The following ANO6 variants were observed in gnomAD, a reference collection of about 807,000 sequenced individuals.
The protein encoded by ANO6 is anoctamin 6, also known as anoctamin-6.
ANO6 carries 106 observed loss-of-function variants against 117.5 expected under a neutral mutation model. The ratio of observed to expected loss-of-function variants is 0.90; its 90% confidence interval spans 0.77 to 1.06. The LOEUF is 1.06. Ranked by LOEUF, ANO6 falls within the 50% of genes least tolerant of loss-of-function variation. The pLI is 0.00. For synonymous variants in ANO6, 367 were observed against 385.1 expected (o/e 0.95, Z 0.55); for missense variants, 955 against 1,121.1 (o/e 0.85, Z 2.12).
At chr12:45,432,420 C>T (rs1943655893), downstream of ANO6, 1 of 526,610 alleles carries the variant, frequency 1.9e-6, no homozygotes, top group South Asian at 8.8e-5. Flanking sequence ...TTACTAGTGG[C>T]CAGTTGTGTA....
intron 12 of ANO6, among the ~76,000 whole-genome samples, chr12:45,398,076 C>T (rs143423979): frequency 0.02 from 3,039 of 151,934 alleles, 41 homozygotes; most frequent in East Asian, 0.038. Flanking sequence ...CAGAGGAAAA[C>T]ATTTAAATAT....
intron 1 of ANO6, among the ~76,000 whole-genome samples, chr12:45,235,359 T>A (rs1415693531): frequency 6.6e-6 from 1 of 152,234 alleles, no homozygotes; most frequent in Non-Finnish European, 1.5e-5. Context: ...CTGTCTGTTC[T>A]AAGTAGGGCT....
chr12:45,437,941 A>G (rs982374130), intron 19 of ANO6, among the ~76,000 whole-genome samples: 2 of 152,210 alleles, frequency 1.3e-5, no homozygotes, highest in Non-Finnish European at 2.9e-5. Flanking sequence ...AGCTAATCAT[A>G]GCATTTACAT....
intron 1 of ANO6, among the ~76,000 whole-genome samples, chr12:45,216,815 G>C (rs1456843468): frequency 6.6e-6 from 1 of 152,236 alleles, no homozygotes; most frequent in Non-Finnish European, 1.5e-5. Flanking sequence ...TGGAGGACAG[G>C]GTGTGACCCA....
intron 1 of ANO6, among the ~76,000 whole-genome samples, chr12:45,241,920 G>T (rs1947750475): frequency 6.6e-6 from 1 of 152,212 alleles, no homozygotes; most frequent in South Asian, 2.1e-4. Flanking sequence ...AAATGTTGCT[G>T]CCTGATCCTT....
intron 1 of ANO6, among the ~76,000 whole-genome samples, chr12:45,295,697 G>A (rs748185330): frequency 6.6e-6 from 1 of 151,716 alleles, no homozygotes; most frequent in African/African-American, 2.4e-5. Context: ...AGTAGCTAGC[G>A]TTACAGGCAT....
intron 2 of ANO6, among the ~76,000 whole-genome samples, chr12:45,322,758 A>G (rs1203746758): frequency 6.6e-6 from 1 of 152,140 alleles, no homozygotes; most frequent in African/African-American, 2.4e-5. Flanking sequence ...TAAAGATGAA[A>G]AAGTCAAAGG....
intron 2 of ANO6, among the ~76,000 whole-genome samples, chr12:45,312,250 CAAT>C (rs1392820317): frequency 6.6e-6 from 1 of 151,980 alleles, no homozygotes; most frequent in Non-Finnish European, 1.5e-5. Flanking sequence ...AGCATAATCA[CAAT>C]AATGGCCAGG....
At chr12:45,252,151 G>A (rs1937643436) in intron 1 of ANO6, among the ~76,000 whole-genome samples, 1 of 152,206 alleles carries the variant, frequency 6.6e-6, no homozygotes, top group African/African-American at 2.4e-5. Context: ...CCAATAAATA[G>A]TTATTTGACA....
intron 1 of ANO6, among the ~76,000 whole-genome samples, chr12:45,285,589 C>T (rs760278804): frequency 8.6e-5 from 13 of 152,046 alleles, no homozygotes; most frequent in Non-Finnish European, 1.6e-4. Context: ...ATTAGCCAGG[C>T]GTTGTGCTAC....
At chr12:45,296,067 C>T (rs1939284027) in intron 1 of ANO6, among the ~76,000 whole-genome samples, 1 of 151,856 alleles carries the variant, frequency 6.6e-6, no homozygotes, top group African/African-American at 2.4e-5. Context: ...CACTACATTG[C>T]CCAGGCTGGT....
At chr12:45,375,435 C>A (rs1460772819) in intron 9 of ANO6, among the ~76,000 whole-genome samples, 2 of 152,332 alleles carry the variant, frequency 1.3e-5, no homozygotes, top group Non-Finnish European at 2.9e-5. Context: ...GGAGGCATCA[C>A]ATTACCTGAC....
At chr12:45,387,835 A>T (rs1472659935) in intron 10 of ANO6, among the ~76,000 whole-genome samples, 1 of 152,078 alleles carries the variant, frequency 6.6e-6, no homozygotes, top group Non-Finnish European at 1.5e-5. Flanking sequence ...TCCTGTTCTC[A>T]TGATAGTGAG....
At chr12:45,316,439 C>A (rs904285970) in intron 2 of ANO6, among the ~76,000 whole-genome samples, 1 of 151,952 alleles carries the variant, frequency 6.6e-6, no homozygotes, top group African/African-American at 2.4e-5. Flanking sequence ...AAAGGAGATT[C>A]TAGGAAGAGG....
At chr12:45,347,305 T>C in intron 4 of ANO6, 1 of 551,450 alleles carries the variant, frequency 1.8e-6, no homozygotes, top group Non-Finnish European at 3.2e-6. Flanking sequence ...AATTTTACAA[T>C]GAATGCATGT....
intron 4 of ANO6, 30 bp from the exon 5 acceptor site, chr12:45,347,998 T>G (rs1941182710): frequency 6.2e-7 from 1 of 1,606,682 alleles, no homozygotes; most frequent in Non-Finnish European, 8.5e-7. Context: ...AGTTGGTTTC[T>G]TGTTCTGCGT....
chr12:45,317,565 A>G (rs1940093420), intron 2 of ANO6, among the ~76,000 whole-genome samples: 1 of 151,844 alleles, frequency 6.6e-6, no homozygotes, highest in African/African-American at 2.4e-5. Context: ...TATTGTGAAT[A>G]GTGCTGCAAT....
chr12:45,233,083 C>G (rs1358666533), intron 1 of ANO6, among the ~76,000 whole-genome samples: 3 of 152,192 alleles, frequency 2.0e-5, no homozygotes, highest in African/African-American at 7.2e-5. Context: ...ACTCTACTGG[C>G]TGTGGGATGT....
At chr12:45,299,118 C>A (rs1246141161) in intron 1 of ANO6, among the ~76,000 whole-genome samples, 1 of 152,146 alleles carries the variant, frequency 6.6e-6, no homozygotes, top group African/African-American at 2.4e-5. Flanking sequence ...TAGGTCTTTT[C>A]TTCCAAATGT....
Sources: allele counts gnomAD v4.1 joint callset (sites outside exome capture counted in the v4.1 genomes callset), GRCh38; gene constraint gnomAD v4.1.1; transcripts MANE v1.5; gene names NCBI Gene and HGNC (gene_info 2026-07-23, HGNC 2026-07-21).